Variants in AGGF1 observed in about 807,000 individuals in gnomAD.
AGGF1 encodes angiogenic factor with G-patch and FHA domains 1, also known as angiogenic factor with G patch and FHA domains 1.
Under a neutral mutation model 86.5 loss-of-function variants are expected in AGGF1, and 56 were observed. That is an observed-to-expected ratio of 0.65 (90% confidence interval 0.52 to 0.81). The LOEUF (loss-of-function observed/expected upper bound fraction) is 0.81, where lower values mean the gene tolerates loss of function less well. Among genes scored for constraint, AGGF1 ranks in the 30% least tolerant of loss-of-function variants. The pLI is 0.00. For missense variants in AGGF1, 816 were observed against 850.9 expected (o/e 0.96, Z 0.51); for synonymous variants, 313 against 297.1 (o/e 1.05, Z -0.55).
intron 5 of AGGF1, among the ~76,000 whole-genome samples, chr5:77,042,019 C>A (rs903507974): frequency 2.7e-5 from 4 of 150,778 alleles, no homozygotes; most frequent in Non-Finnish European, 4.4e-5. Context: ...TGACTCTTAA[C>A]GAGCATGCTG....
chr5:77,041,193 T>C (rs929396071), intron 5 of AGGF1, among the ~76,000 whole-genome samples: 7 of 152,256 alleles, frequency 4.6e-5, no homozygotes, highest in Admixed American at 3.9e-4. Flanking sequence ...ACTAAAATAC[T>C]AAAAATCAGT....
At chr5:77,032,195 T>C (rs1289807891) in intron 1 of AGGF1, among the ~76,000 whole-genome samples, 7 of 145,170 alleles carry the variant, frequency 4.8e-5, no homozygotes, top group Admixed American at 1.5e-4. Flanking sequence ...AGTTTTTGTT[T>C]AGTCAATTTA....
chr5:77,041,997 A>AG (rs1327258252), intron 5 of AGGF1, among the ~76,000 whole-genome samples: 1 of 151,028 alleles, frequency 6.6e-6, no homozygotes, highest in Non-Finnish European at 1.5e-5. Context: ...ACTTGAGATT[A>AG]GGGAGTGGTG....
At chr5:77,047,765 G>C (rs1358774630) in intron 6 of AGGF1, among the ~76,000 whole-genome samples, 1 of 150,672 alleles carries the variant, frequency 6.6e-6, no homozygotes, top group East Asian at 1.9e-4. Context: ...TGATCTGCCT[G>C]CGTCGGCCCC....
chr5:77,041,514 CCAGG>C (rs1747079106), intron 5 of AGGF1, among the ~76,000 whole-genome samples: 1 of 149,894 alleles, frequency 6.7e-6, no homozygotes, highest in South Asian at 2.1e-4. Flanking sequence ...TTGCAGTGAG[CCAGG>C]ATCGCACCAC....
chr5:77,059,772 C>T (rs771152722), intron 12 of AGGF1, 29 bp downstream of exon 12: 1 of 1,612,058 alleles, frequency 6.2e-7, no homozygotes. Flanking sequence ...TGGCTCGAAA[C>T]ATCCTTTGTT....
chr5:77,030,650 C>G lies in AGGF1; in HGVS notation c.-117C>G, dbSNP rs1226130816. Reference sequence around the variant, plus strand: ...ATGGCCAGGGGCCACCGCGGCCAGCCGGGTGTGAGGCTGCCTTTCGCTGCC... The same window carrying G: ...ATGGCCAGGGGCCACCGCGGCCAGCGGGGTGTGAGGCTGCCTTTCGCTGCC... On this transcript the variant is annotated 5_prime_UTR_variant, in exon 1 of 14. Transcript: ENST00000312916. The G allele has an allele frequency of 2.5e-6, 3 of 1,205,948 alleles. No homozygotes were observed. Among genetic ancestry groups the G allele is most frequent in the African/African-American group, 3.0e-5 (2 of 66,498 alleles). The allele number at this position is 1,205,948 out of a possible 1,614,324, so 74.7% of individuals were successfully genotyped here.
At chr5:77,040,810 G>A (rs896595116) in intron 5 of AGGF1, among the ~76,000 whole-genome samples, 4 of 152,024 alleles carry the variant, frequency 2.6e-5, no homozygotes, top group Non-Finnish European at 4.4e-5. Context: ...GTCCTTTCCT[G>A]TCCTATCTCT....
intron 6 of AGGF1, among the ~76,000 whole-genome samples, chr5:77,047,960 C>A (rs948491203): frequency 1.4e-4 from 22 of 151,894 alleles, no homozygotes; most frequent in African/African-American, 5.1e-4. Context: ...ATGCAGCAAC[C>A]TTTATGTGGA....
At chr5:77,048,540 C>T (rs373481824) in intron 7 of AGGF1, among the ~76,000 whole-genome samples, 5 of 151,964 alleles carry the variant, frequency 3.3e-5, no homozygotes, top group East Asian at 1.9e-4. Context: ...TTAGTAGAGA[C>T]GGGGGTTTCA....
Position 77,039,524 on chromosome 5 carries a change from T to G in AGGF1, c.682-7T>G. On this transcript the variant is annotated splice_region_variant and splice_polypyrimidine_tract_variant and intron_variant, in intron 4 of 13. Coordinates refer to ENST00000312916, the MANE Select transcript of AGGF1 (RefSeq NM_018046.5). ...AATAGAATTTATTTTTTTCTTGACT[T>G]TCAAAGGAAAATCAACTCTATTATG... 1.3e-6 allele frequency: 2 copies of G among 1,592,174 alleles called. No individual in the cohort carries two copies. The highest frequency in any genetic ancestry group is 1.7e-6 in the Non-Finnish European group (2 of 1,166,280).
chr5:77,063,318 C>G lies in AGGF1; in HGVS notation c.*66C>G, dbSNP rs1747601874. On this transcript the variant is annotated 3_prime_UTR_variant, in exon 14 of 14. Transcript: ENST00000312916. The stretch of plus-strand genomic sequence containing the variant: ...TAGAATTTGGAAACTTATTTTTTCT[C>G]CCCAAAAGAATCAGCAGCACAGGGG... The G allele has an allele frequency of 1.4e-6, 2 of 1,455,226 alleles. No individual in the cohort carries two copies. The highest frequency in any genetic ancestry group is 2.8e-5 in the African/African-American group (2 of 70,624). The allele number at this position is 1,455,226 out of a possible 1,614,324, so 90.1% of individuals were successfully genotyped here.
Position 77,030,441 on chromosome 5 carries a change from T to C in AGGF1, c.-326T>C, listed in dbSNP as rs1429389642. On this transcript the variant is annotated 5_prime_UTR_variant, in exon 1 of 14. Transcript: ENST00000312916. ...GGCTCAACTGGGGAGCTGCTGGAGC[T>C]CTTCTGGCCTCTGGTTTTCCGACTG... 6 of 539,296 alleles carry C rather than the reference T, an allele frequency of 1.1e-5. No individual in the cohort carries two copies. In the East Asian group the frequency reaches 1.8e-4, roughly 16 times the overall value. The allele number at this position is 539,296 out of a possible 1,614,324, so 33.4% of individuals were successfully genotyped here. A position where few individuals can be genotyped will look rare whatever the true frequency, so the allele number is the denominator to read the frequency against.
chr5:77,036,158 G>A (rs1746963857), intron 3 of AGGF1: 1 of 269,264 alleles, frequency 3.7e-6, no homozygotes, highest in Non-Finnish European at 7.1e-6. Context: ...TCCCTATTGT[G>A]TTTGATATAT....
In AGGF1 at chr5:77,048,265, A is replaced by G; in HGVS notation, c.1306A>G (p.Ile436Val). 1 of 1,597,170 alleles carries G rather than the reference A, an allele frequency of 6.3e-7. No individual in the cohort carries two copies. Among genetic ancestry groups the G allele is most frequent in the South Asian group, 1.1e-5 (1 of 90,586 alleles). ...FIITAVNPAT[I>V]GREKDMEHTL... ...CATTACTGCTGTAAACCCTGCTACA[A>G]TTGGAAGGTAAAATGGTTAATATTA... The change falls in exon 7 of 14, where the codon ATT becomes GTT. Residue 436 changes from isoleucine to valine, a missense_variant. Ile to Val is a conservative substitution (Grantham distance 29). Coordinates refer to ENST00000312916, the MANE Select transcript of AGGF1 (RefSeq NM_018046.5).
chr5:77,033,668 C>T (rs1405752993), intron 1 of AGGF1, among the ~76,000 whole-genome samples: 1 of 152,142 alleles, frequency 6.6e-6, no homozygotes, highest in East Asian at 1.9e-4. Flanking sequence ...TCTGTTTAAG[C>T]TTTATGTATC....
intron 13 of AGGF1, among the ~76,000 whole-genome samples, chr5:77,062,523 T>C (rs1019922903): frequency 1.3e-5 from 2 of 152,198 alleles, no homozygotes; most frequent in Non-Finnish European, 2.9e-5. Flanking sequence ...GGATAAGAAC[T>C]CTTTTTCAGG....
At chr5:77,048,870 T>C in intron 7 of AGGF1, 66 bp from the exon 8 acceptor site, 1 of 1,462,582 alleles carries the variant, frequency 6.8e-7, no homozygotes, top group Non-Finnish European at 9.6e-7. Context: ...TTTTTAAAAT[T>C]CTTTCCATGT....
chr5:77,031,091 A>C lies in AGGF1; in HGVS notation c.210+115A>C. The stretch of plus-strand genomic sequence containing the variant: ...GCTCAGAACTACTGTAGAGTACTTA[A>C]AGTAAATAAGTAGAAGCTCAGCGCA... On this transcript the variant is annotated intron_variant, in intron 1 of 13. Transcript: ENST00000312916. 7.4e-6 allele frequency: 8 copies of C among 1,082,618 alleles called. 1 individual carries two copies. In the South Asian group the frequency reaches 1.0e-4, roughly 14 times the overall value. 67.1% of individuals were successfully genotyped at this position (1,082,618 alleles called of 1,614,324 possible). A position where few individuals can be genotyped will look rare whatever the true frequency, so the allele number is the denominator to read the frequency against.
Sources: allele counts gnomAD v4.1 joint callset (sites outside exome capture counted in the v4.1 genomes callset), GRCh38; gene constraint gnomAD v4.1.1; transcripts MANE v1.5; gene names NCBI Gene and HGNC (gene_info 2026-07-23, HGNC 2026-07-21).